The following PRPSAP2 variants were observed in gnomAD, a reference collection of about 807,000 sequenced individuals.
PRPSAP2 encodes phosphoribosyl pyrophosphate synthetase associated protein 2, also known as phosphoribosyl pyrophosphate synthase-associated protein 2.
PRPSAP2 carries 24 observed loss-of-function variants against 40.6 expected under a neutral mutation model. The ratio of observed to expected loss-of-function variants is 0.59; its 90% CI spans 0.43 to 0.83. The LOEUF (loss-of-function observed/expected upper bound fraction) is 0.83. Ranked by LOEUF, PRPSAP2 falls within the 40% of genes least tolerant of loss-of-function variation. The pLI is 0.00. For missense variants in PRPSAP2, 292 were observed against 465.6 expected (o/e 0.63, Z 3.43); for synonymous variants, 149 against 164.7 (o/e 0.90, Z 0.73).
chr17:18,927,270 T>G (rs1567758097), intron 10 of PRPSAP2, among the ~76,000 whole-genome samples: 2 of 152,212 alleles, frequency 1.3e-5, no homozygotes, highest in Admixed American at 6.5e-5. Flanking sequence ...CCAACACTGT[T>G]GCACTGGGGA....
At chr17:18,898,434 A>G (rs932336327) in intron 8 of PRPSAP2, among the ~76,000 whole-genome samples, 1 of 152,196 alleles carries the variant, frequency 6.6e-6, no homozygotes. Flanking sequence ...CTTTCTGTTT[A>G]GAGTACCTCC....
chr17:18,912,475 AC>A (rs1220484848), intron 9 of PRPSAP2, among the ~76,000 whole-genome samples: 1 of 152,208 alleles, frequency 6.6e-6, no homozygotes, highest in Non-Finnish European at 1.5e-5. Context: ...TGTTCATCTT[AC>A]GTGCAAAATA....
At chr17:18,872,358 A>G (rs1484998481) in intron 4 of PRPSAP2, among the ~76,000 whole-genome samples, 1 of 152,060 alleles carries the variant, frequency 6.6e-6, no homozygotes, top group African/African-American at 2.4e-5. Flanking sequence ...TTATACATTT[A>G]CTTATTTCAA....
In PRPSAP2 at chr17:18,930,652, G is replaced by C. The variant is rs1732161079; in HGVS notation, c.1064G>C (p.Gly355Ala). Residue 355 changes from glycine (G) to alanine (A), a missense_variant, in exon 12 of 12, where the codon GGG becomes GCG. Gly to Ala is a moderately conservative substitution (Grantham distance 60, BLOSUM62 0). Transcript: ENST00000268835. ...LSEAIRRIHN[G>A]ESMSYLFRNI... Reference sequence around the variant, plus strand: ...GAGGCGATCCGTCGGATCCACAATGGGGAGTCCATGTCCTACCTTTTCAGA... The same window carrying C: ...GAGGCGATCCGTCGGATCCACAATGCGGAGTCCATGTCCTACCTTTTCAGA... 1.9e-6 allele frequency: 3 copies of C among 1,613,760 alleles called. No homozygotes were observed. The highest frequency in any genetic ancestry group is 1.1e-5 in the South Asian group (1 of 91,058).
chr17:18,896,969 C>CTT (rs147991226), intron 8 of PRPSAP2, among the ~76,000 whole-genome samples: 6 of 151,780 alleles, frequency 4.0e-5, no homozygotes, highest in Admixed American at 1.3e-4. Context: ...CACACAGTTT[C>CTT]TTTTTTTTGA....
At chr17:18,857,105 G>C (rs1215154935), upstream of PRPSAP2, among the ~76,000 whole-genome samples, 1 of 152,056 alleles carries the variant, frequency 6.6e-6, no homozygotes, top group African/African-American at 2.4e-5. Flanking sequence ...AGGCGGAGGC[G>C]GGCGGATCAC....
intron 9 of PRPSAP2, among the ~76,000 whole-genome samples, chr17:18,912,644 C>T (rs1256646608): frequency 6.6e-6 from 1 of 152,158 alleles, no homozygotes; most frequent in Non-Finnish European, 1.5e-5. Flanking sequence ...CTCTGACGCA[C>T]GTTTCTCTCC....
intron 8 of PRPSAP2, among the ~76,000 whole-genome samples, chr17:18,902,381 A>G (rs2040321351): frequency 6.6e-6 from 1 of 152,140 alleles, no homozygotes. Flanking sequence ...TTTTTTATCT[A>G]TGTTATGTTA....
chr17:18,914,043 G>A (rs1287499588), intron 9 of PRPSAP2, among the ~76,000 whole-genome samples: 1 of 151,524 alleles, frequency 6.6e-6, no homozygotes, highest in Non-Finnish European at 1.5e-5. Context: ...GCATGGTGGT[G>A]CGTGCCTTAA....
Position 18,865,791 on chromosome 17 carries a change from T to C in PRPSAP2, c.-32-11T>C. The C allele has an allele frequency of 7.2e-7, 1 of 1,397,078 alleles. No individual in the cohort carries two copies. The highest frequency in any genetic ancestry group is 9.4e-7 in the Non-Finnish European group (1 of 1,058,292). 86.5% of individuals were successfully genotyped at this position (1,397,078 alleles called of 1,614,324 possible). On this transcript the variant is annotated splice_polypyrimidine_tract_variant and intron_variant, in intron 2 of 11. Coordinates refer to ENST00000268835, the MANE Select transcript of PRPSAP2 (RefSeq NM_002767.4). The stretch of plus-strand genomic sequence containing the variant: ...ATATGGCAGTTTTTAATAAGTATTA[T>C]ATCCTTCTAGGCTCTGAAAATTGGA...
intron 8 of PRPSAP2, among the ~76,000 whole-genome samples, chr17:18,898,957 A>G (rs2040093624): frequency 6.6e-6 from 1 of 152,076 alleles, no homozygotes; most frequent in Admixed American, 6.6e-5. Context: ...GCTGGAGTGC[A>G]ATGGCGTGAT....
intron 9 of PRPSAP2, among the ~76,000 whole-genome samples, chr17:18,915,177 AC>A (rs1416140344): frequency 6.6e-6 from 1 of 151,848 alleles, no homozygotes; most frequent in Admixed American, 6.6e-5. Flanking sequence ...GGCATGTGCC[AC>A]CATGTCTGGC....
chr17:18,871,135 T>C (rs1401663746), intron 4 of PRPSAP2, among the ~76,000 whole-genome samples: 1 of 152,162 alleles, frequency 6.6e-6, no homozygotes, highest in Non-Finnish European at 1.5e-5. Context: ...TTCTCCTGCC[T>C]CAGCCTCCTG....
At chr17:18,866,217 A>G (rs952469565) in intron 3 of PRPSAP2, among the ~76,000 whole-genome samples, 5 of 152,030 alleles carry the variant, frequency 3.3e-5, no homozygotes, top group Non-Finnish European at 7.3e-5. Flanking sequence ...TGAGTGCCTT[A>G]TAAGTGCCAG....
At chr17:18,909,854 C>T (rs2040851015) in intron 8 of PRPSAP2, among the ~76,000 whole-genome samples, 2 of 151,800 alleles carry the variant, frequency 1.3e-5, no homozygotes, top group South Asian at 4.2e-4. Flanking sequence ...CACACCACTG[C>T]ACTCCAGCCT....
rs2040387043 is a variant in PRPSAP2 at position 18,903,215 on chromosome 17, G to GAGT, written c.585-7888_585-7887insAGT. ...GGCCGAGATGGGTGGATCTCCTGAG[G>GAGT]TCAGGAGAATTGCTTGAACCCGGGA... On this transcript the variant is annotated intron_variant, in intron 8 of 11. Transcript: ENST00000268835. Among the ~76,000 whole-genome samples the GAGT allele has an allele frequency of 7.2e-4, 105 of 146,642 alleles. 1 individual carries two copies. The highest frequency in any genetic ancestry group is 2.7e-3 in the African/African-American group (102 of 38,090).
chr17:18,912,241 C>T (rs1329240729), intron 9 of PRPSAP2, among the ~76,000 whole-genome samples: 1 of 152,042 alleles, frequency 6.6e-6, no homozygotes, highest in African/African-American at 2.4e-5. Flanking sequence ...GCCTGTTCCT[C>T]GTAGATGGTA....
chr17:18,908,445 C>T, intron 8 of PRPSAP2: 1 of 758,672 alleles, frequency 1.3e-6, no homozygotes, highest in South Asian at 1.4e-5. Context: ...TGATTTGCCT[C>T]AGAGAAGGAT....
chr17:18,862,791 T>TTTTA (rs199576423), intron 1 of PRPSAP2, among the ~76,000 whole-genome samples: 4,007 of 149,200 alleles, frequency 0.027, 96 homozygotes, highest in East Asian at 0.051. Context: ...TGTAACACCC[T>TTTTA]TTTATTTATT....
Sources: gnomAD v4.1 joint callset for allele counts (sites outside exome capture counted in the v4.1 genomes callset) on GRCh38, gnomAD v4.1.1 for gene constraint, MANE v1.5 for transcripts, NCBI Gene and HGNC (gene_info 2026-07-23, HGNC 2026-07-21) for gene names.